ADAMTS6: variants seen among roughly 807,000 people sequenced by gnomAD.
The protein encoded by ADAMTS6 is ADAM metallopeptidase with thrombospondin type 1 motif 6.
ADAMTS6 carries 23 observed loss-of-function variants against 144.3 expected under a neutral mutation model. That is an observed-to-expected ratio of 0.16 (90% CI 0.11 to 0.23). The LOEUF is 0.23. Among genes scored for constraint, ADAMTS6 ranks in the 10% least tolerant of loss-of-function variants. ADAMTS6 has a pLI of 1.00. For synonymous variants in ADAMTS6, 444 were observed against 457.5 expected, an observed-to-expected ratio of 0.97 and a Z score of 0.38; for missense variants, 999 against 1,379.6, an observed-to-expected ratio of 0.72 and a Z score of 4.37.
chr5:65,206,838 T>TCTCACA (rs1205031458), intron 20 of ADAMTS6, among the ~76,000 whole-genome samples: 106 of 145,128 alleles, frequency 7.3e-4, no homozygotes, highest in African/African-American at 2.7e-3. Context: ...TCTCTCTCTC[T>TCTCACA]CACACACACA....
intron 24 of ADAMTS6, among the ~76,000 whole-genome samples, chr5:65,164,258 G>C (rs930392778): frequency 1.3e-5 from 2 of 151,926 alleles, no homozygotes; most frequent in Admixed American, 6.6e-5. Context: ...CCGAGTCAAA[G>C]AAAGGGGTGA....
intron 4 of ADAMTS6, among the ~76,000 whole-genome samples, chr5:65,456,478 C>T (rs951067893): frequency 1.3e-5 from 2 of 152,016 alleles, no homozygotes; most frequent in East Asian, 3.8e-4. Flanking sequence ...TTTCATTGAC[C>T]TGCTTTATTT....
At chr5:65,293,200 T>G (rs1332739959) in intron 10 of ADAMTS6, among the ~76,000 whole-genome samples, 1 of 152,086 alleles carries the variant, frequency 6.6e-6, no homozygotes, top group African/African-American at 2.4e-5. Context: ...TTCCCCAATT[T>G]TCTTCTAAAA....
chr5:65,363,326 A>C (rs1749999530), intron 7 of ADAMTS6, among the ~76,000 whole-genome samples: 1 of 152,162 alleles, frequency 6.6e-6, no homozygotes, highest in African/African-American at 2.4e-5. Flanking sequence ...AACATACTAA[A>C]ATGGTTTAAT....
chr5:65,248,632 A>C (rs1397869388), intron 14 of ADAMTS6, among the ~76,000 whole-genome samples: 1 of 105,048 alleles, frequency 9.5e-6, no homozygotes, highest in Non-Finnish European at 1.8e-5. Context: ...AAAACCCTAC[A>C]AAAAATACAA....
chr5:65,400,602 T>C (rs1433614861), intron 7 of ADAMTS6, among the ~76,000 whole-genome samples: 2 of 152,228 alleles, frequency 1.3e-5, no homozygotes, highest in Admixed American at 1.3e-4. Context: ...CTGACATTAA[T>C]TTAGATAAAT....
intron 20 of ADAMTS6, chr5:65,210,450 CAA>C (rs59171341): frequency 0.018 from 1,889 of 104,476 alleles, 1 homozygote; most frequent in Middle Eastern, 0.062. Context: ...AACTCCGTCT[CAA>C]AAAAAAAAAA....
At chr5:65,247,675 T>G (rs1263316282) in intron 14 of ADAMTS6, among the ~76,000 whole-genome samples, 1 of 152,124 alleles carries the variant, frequency 6.6e-6, no homozygotes, top group Non-Finnish European at 1.5e-5. Flanking sequence ...TCCCTTTCCT[T>G]TCCTCTCCTC....
intron 14 of ADAMTS6, among the ~76,000 whole-genome samples, chr5:65,254,728 C>G (rs762785909): frequency 6.6e-6 from 1 of 152,154 alleles, no homozygotes; most frequent in Non-Finnish European, 1.5e-5. Context: ...AAATAACAAT[C>G]AAATAGAAGA....
chr5:65,410,037 C>A (rs1754916859), intron 7 of ADAMTS6, among the ~76,000 whole-genome samples: 1 of 152,142 alleles, frequency 6.6e-6, no homozygotes, highest in South Asian at 2.1e-4. Context: ...TTATTTCCAA[C>A]TTCATTTGAT....
intron 9 of ADAMTS6, among the ~76,000 whole-genome samples, chr5:65,328,179 GAT>G (rs1409745144): frequency 1.3e-5 from 2 of 151,912 alleles, no homozygotes; most frequent in East Asian, 3.9e-4. Context: ...ATATCAACTT[GAT>G]AAAATTTGAT....
At chr5:65,259,024 T>A (rs1038999860) in intron 14 of ADAMTS6, among the ~76,000 whole-genome samples, 2 of 152,090 alleles carry the variant, frequency 1.3e-5, no homozygotes, top group Non-Finnish European at 2.9e-5. Context: ...GGCCACTGAC[T>A]AACTCTTGGG....
intron 11 of ADAMTS6, among the ~76,000 whole-genome samples, chr5:65,277,828 CT>C (rs1452752730): frequency 1.3e-5 from 2 of 151,914 alleles, no homozygotes; most frequent in South Asian, 2.1e-4. Flanking sequence ...CTGCCCAAGA[CT>C]TTTTTTTAAA....
intron 21 of ADAMTS6, among the ~76,000 whole-genome samples, chr5:65,190,567 A>C (rs1369944118): frequency 6.6e-6 from 1 of 152,174 alleles, no homozygotes; most frequent in East Asian, 1.9e-4. Context: ...AGAGGGATGG[A>C]GGCCTTCAAA....
chr5:65,349,813 C>G (rs1363372504), intron 7 of ADAMTS6, among the ~76,000 whole-genome samples: 1 of 151,548 alleles, frequency 6.6e-6, no homozygotes, highest in East Asian at 1.9e-4. Flanking sequence ...CGAGATCGTG[C>G]CACTACACTC....
At chr5:65,407,799 G>T (rs143722941) in intron 7 of ADAMTS6, among the ~76,000 whole-genome samples, 2 of 151,984 alleles carry the variant, frequency 1.3e-5, no homozygotes. Flanking sequence ...ACATGCACAC[G>T]TATGTTTATT....
intron 7 of ADAMTS6, among the ~76,000 whole-genome samples, chr5:65,401,203 T>C (rs973578655): frequency 1.4e-4 from 21 of 152,186 alleles, no homozygotes; most frequent in African/African-American, 5.1e-4. Context: ...AAACATTCTA[T>C]AGTCCTACAA....
intron 7 of ADAMTS6, among the ~76,000 whole-genome samples, chr5:65,393,647 A>G (rs1369522841): frequency 1.3e-5 from 2 of 152,218 alleles, no homozygotes; most frequent in African/African-American, 4.8e-5. Flanking sequence ...TTCTCTGAGC[A>G]TGAATTTCTG....
intron 9 of ADAMTS6, among the ~76,000 whole-genome samples, chr5:65,304,799 A>G (rs890526885): frequency 6.6e-6 from 1 of 152,164 alleles, no homozygotes; most frequent in Admixed American, 6.6e-5. Context: ...GCACTACACC[A>G]CATAAGTAAA....
Sources: gnomAD v4.1 joint callset for allele counts (sites outside exome capture counted in the v4.1 genomes callset) on GRCh38, gnomAD v4.1.1 for gene constraint, MANE v1.5 for transcripts, NCBI Gene and HGNC (gene_info 2026-07-23, HGNC 2026-07-21) for gene names.